Variants in SCN1A observed in about 807,000 individuals in gnomAD.
SCN1A encodes sodium channel protein type 1 subunit alpha.
In SCN1A, 13 loss-of-function variants were observed where a neutral mutation model predicts 193.7. That is an observed-to-expected ratio of 0.07 (90% CI 0.04 to 0.11). The LOEUF (loss-of-function observed/expected upper bound fraction) is 0.11. Ranked by LOEUF, SCN1A falls within the 10% of genes least tolerant of loss-of-function variation. The pLI is 1.00. For missense variants in SCN1A, 1,432 were observed against 2,451.1 expected, an observed-to-expected ratio of 0.58 and a Z score of 8.78; for synonymous variants, 781 against 843.6, an observed-to-expected ratio of 0.93 and a Z score of 1.29.
At chr2:166,093,507 T>A (rs1012129545) in intron 2 of SCN1A, among the ~76,000 whole-genome samples, 2 of 152,006 alleles carry the variant, frequency 1.3e-5, no homozygotes, top group African/African-American at 4.8e-5. Flanking sequence ...CCCAGCTAAT[T>A]TTTTTATTTT....
At chr2:166,074,941 T>C (rs1386884867) in intron 3 of SCN1A, among the ~76,000 whole-genome samples, 2 of 152,260 alleles carry the variant, frequency 1.3e-5, no homozygotes, top group African/African-American at 2.4e-5. Flanking sequence ...TTTGTACCCT[T>C]AGTCTACTAA....
chr2:166,122,548 A>G (rs1690716331), intron 2 of SCN1A, among the ~76,000 whole-genome samples: 1 of 152,212 alleles, frequency 6.6e-6, no homozygotes. Context: ...ATATATCCCT[A>G]GTACCCACTG....
At position 166,043,916 on chromosome 2, in the gene SCN1A, T is replaced by C. The variant is rs1416768515; in HGVS notation, c.1796A>G (p.Glu599Gly). ...DFADDEHSTFEDNESRRDSLF... is the reference protein window; with the variant it reads ...DFADDEHSTFGDNESRRDSLF... ...GGAATCTCTACGGCTCTCGTTATCC[T>C]CAAAGGTGCTGTGCTCATCATCTGC... The change falls in exon 14 of 29, where the codon GAG becomes GGG. Residue 599 changes from glutamate to glycine, a missense_variant. Coordinates refer to ENST00000674923, the MANE Select transcript of SCN1A (RefSeq NM_001165963.4). 1 of 1,614,140 alleles carries C rather than the reference T, an allele frequency of 6.2e-7. No individual in the cohort carries two copies. The highest frequency in any genetic ancestry group is 1.7e-5 in the Admixed American group (1 of 60,014).
At chr2:166,038,677 G>A (rs936251473) in intron 17 of SCN1A, among the ~76,000 whole-genome samples, 7 of 152,128 alleles carry the variant, frequency 4.6e-5, no homozygotes, top group African/African-American at 1.4e-4. Context: ...GAATCCAACT[G>A]TTCTTAATTT....
At chr2:165,993,802 T>C (rs1689624143) in intron 28 of SCN1A, 1 of 328,926 alleles carries the variant, frequency 3.0e-6, no homozygotes, top group South Asian at 7.0e-5. Flanking sequence ...AGTACCAGAC[T>C]ACATTTCTAG....
At chr2:166,023,781 G>GT (rs1440246951) in intron 19 of SCN1A, among the ~76,000 whole-genome samples, 176 of 145,868 alleles carry the variant, frequency 1.2e-3, no homozygotes, top group Middle Eastern at 6.9e-3. Context: ...AAAAAATGAT[G>GT]TTTTTTTTTT....
intron 1 of SCN1A, chr2:166,133,848 C>T (rs1691754992): frequency 6.6e-6 from 1 of 152,188 alleles, no homozygotes; most frequent in Non-Finnish European, 1.5e-5. Flanking sequence ...ACCGCATCTT[C>T]CTCCACCCTC....
At chr2:166,144,032 A>G (rs1277451904) in intron 1 of SCN1A, among the ~76,000 whole-genome samples, 1 of 152,248 alleles carries the variant, frequency 6.6e-6, no homozygotes, top group Non-Finnish European at 1.5e-5. Flanking sequence ...AGTGAAATAA[A>G]GTGAAACAAA....
At position 166,120,653 on chromosome 2, in the gene SCN1A, C is replaced by T. The variant is rs1179636858; in HGVS notation, c.-142+6271G>A. Reference sequence around the variant, plus strand: ...ACAGAGTCTTGCTCTGTCATCCAGACGCCAGGCCGGAGTGCAGTGGCATGA... The same window carrying T: ...ACAGAGTCTTGCTCTGTCATCCAGATGCCAGGCCGGAGTGCAGTGGCATGA... On this transcript the variant is annotated intron_variant, in intron 2 of 28. Transcript: ENST00000674923. Among the ~76,000 whole-genome samples the T allele has an allele frequency of 2.3e-4, 29 of 128,358 alleles. 1 individual carries two copies. Among genetic ancestry groups the T allele is most frequent in the Admixed American group, 6.0e-4 (6 of 9,944 alleles). 84.2% of individuals were successfully genotyped at this position (128,358 alleles called of 152,430 possible).
At chr2:166,084,712 G>A (rs1243925756) in intron 2 of SCN1A, among the ~76,000 whole-genome samples, 1 of 152,120 alleles carries the variant, frequency 6.6e-6, no homozygotes, top group African/African-American at 2.4e-5. Context: ...AGTGTTTTCA[G>A]TGTGCAAATC....
chr2:166,103,408 A>G (rs755753058), intron 2 of SCN1A, among the ~76,000 whole-genome samples: 10 of 151,858 alleles, frequency 6.6e-5, no homozygotes, highest in Non-Finnish European at 1.5e-4. Flanking sequence ...CCGAGTTCGC[A>G]CCGCTGCACT....
intron 1 of SCN1A, among the ~76,000 whole-genome samples, chr2:166,141,055 T>C (rs1330613442): frequency 1.3e-5 from 2 of 152,152 alleles, no homozygotes; most frequent in Non-Finnish European, 2.9e-5. Context: ...GCCTCAGCTC[T>C]TAAAGCCTAC....
intron 19 of SCN1A, among the ~76,000 whole-genome samples, chr2:166,029,036 G>C (rs1695190902): frequency 1.3e-5 from 2 of 152,108 alleles, no homozygotes; most frequent in South Asian, 4.2e-4. Flanking sequence ...GAGAGAAAAG[G>C]TATAACGATG....
Position 166,036,204 on chromosome 2 carries a change from A to T in SCN1A, c.3273T>A (p.Ser1091Arg). The T allele has an allele frequency of 6.2e-7, 1 of 1,614,020 alleles. No homozygotes were observed. The highest frequency in any genetic ancestry group is 8.5e-7 in the Non-Finnish European group (1 of 1,179,948). The change falls in exon 19 of 29, where the codon AGT (serine) becomes AGA (arginine). Residue 1091 changes from serine to arginine, a missense_variant. By Grantham distance (110) the Ser-to-Arg change is moderately radical. This residue lies in a region of SCN1A where 198 missense variants were observed against 225.8 expected (regional missense o/e 0.88). Transcript: ENST00000674923. ...GTTSGIGTGS[S>R]VEKYIIDESD... ...TTTCATCAATAATGTATTTTTCAAC[A>T]CTGCTGCCAGTTCCTATACCACTTG...
At chr2:165,997,964 C>A in intron 26 of SCN1A, 74 bp downstream of exon 26, 1 of 1,204,240 alleles carries the variant, frequency 8.3e-7, no homozygotes, top group African/African-American at 1.5e-5. Flanking sequence ...AATTCAAGTA[C>A]TCATTTGGCA....
At chr2:166,016,677 T>A (rs1693350429) in intron 19 of SCN1A, 1 of 152,056 alleles carries the variant, frequency 6.6e-6, no homozygotes, top group Non-Finnish European at 1.5e-5. Context: ...CATTAATTTA[T>A]TCAACTAATA....
chr2:166,087,798 G>A (rs1686307492), intron 2 of SCN1A, among the ~76,000 whole-genome samples: 1 of 152,206 alleles, frequency 6.6e-6, no homozygotes, highest in Non-Finnish European at 1.5e-5. Flanking sequence ...ACTGGTTAGA[G>A]ATGTGGAGAC....
At chr2:166,103,577 G>A (rs539955241) in intron 2 of SCN1A, among the ~76,000 whole-genome samples, 22 of 152,198 alleles carry the variant, frequency 1.4e-4, no homozygotes, top group African/African-American at 5.3e-4. Flanking sequence ...TGGGATATGA[G>A]GAGGGGGAAA....
intron 23 of SCN1A, 71 bp from the exon 24 acceptor site, chr2:166,002,824 T>C: frequency 7.9e-7 from 1 of 1,264,042 alleles, no homozygotes. Flanking sequence ...ATTCCCCTAG[T>C]AATCTCTGGT....
Sources: gnomAD v4.1 joint callset for allele counts (sites outside exome capture counted in the v4.1 genomes callset) on GRCh38, gnomAD v4.1.1 for gene constraint, gnomAD v4.1.1 regional missense constraint, MANE v1.5 for transcripts, NCBI Gene and HGNC (gene_info 2026-07-23, HGNC 2026-07-21) for gene names.